The following WDR70 variants were observed in gnomAD, a reference collection of about 807,000 sequenced individuals.
WDR70 encodes the protein WD repeat domain 70, also known as WD repeat-containing protein 70.
WDR70 carries 53 observed loss-of-function variants against 88.6 expected under a neutral mutation model. The ratio of observed to expected loss-of-function variants is 0.60; its 90% confidence interval spans 0.48 to 0.75. The LOEUF (loss-of-function observed/expected upper bound fraction) is 0.75, where lower values mean the gene tolerates loss of function less well. WDR70 is among the 30% of genes least tolerant of loss of function. The probability of loss-of-function intolerance (pLI) is 0.00; values close to 1 mark genes in which losing one functional copy is unlikely to be tolerated. For synonymous variants in WDR70, 280 were observed against 270.0 expected (o/e 1.04, Z -0.36); for missense variants, 610 against 823.2 (o/e 0.74, Z 3.17).
At chr5:37,635,377 G>A (rs2112531747) in intron 10 of WDR70, among the ~76,000 whole-genome samples, 1 of 152,246 alleles carries the variant, frequency 6.6e-6, no homozygotes, top group Non-Finnish European at 1.5e-5. Context: ...AGCTGTTTAA[G>A]GTAAAGTGCT....
chr5:37,727,845 G>A (rs903574032), intron 17 of WDR70, among the ~76,000 whole-genome samples: 1 of 151,866 alleles, frequency 6.6e-6, no homozygotes, highest in South Asian at 2.1e-4. Context: ...CAAAGTGCTC[G>A]GATTACAGGC....
chr5:37,519,685 G>A (rs1278547770), intron 9 of WDR70, among the ~76,000 whole-genome samples: 1 of 148,804 alleles, frequency 6.7e-6, no homozygotes, highest in African/African-American at 2.5e-5. Context: ...CCCAGACGAT[G>A]GGCGGCCGGG....
Position 37,724,995 on chromosome 5 carries a change from G to C in WDR70, c.1659G>C (p.Lys553Asn). ...RQRSTRKQLE[K>N]DRLDPLKSHK... ...GGAGTACAAGGAAACAGCTGGAGAA[G>C]GACAGACTGGATCCCCTGAAGTCGC... Residue 553 changes from lysine to asparagine, a missense_variant, in exon 16 of 18, where the codon AAG becomes AAC. Lys to Asn is a moderately conservative substitution (Grantham distance 94). Transcript: ENST00000265107. 6.2e-7 allele frequency: 1 copy of C among 1,613,670 alleles called. No individual in the cohort carries two copies. Among genetic ancestry groups the C allele is most frequent in the Non-Finnish European group, 8.5e-7 (1 of 1,179,718 alleles).
chr5:37,471,071 A>G (rs898392880), intron 7 of WDR70, among the ~76,000 whole-genome samples: 1 of 152,002 alleles, frequency 6.6e-6, no homozygotes, highest in Admixed American at 6.6e-5. Flanking sequence ...TTTAGGTTTT[A>G]GGGTTTTGCC....
rs199633038 is a variant in WDR70, at chr5:37,407,734, GC to G, written c.492+11166del. On this transcript the variant is annotated intron_variant, in intron 5 of 17. Coordinates refer to ENST00000265107, the MANE Select transcript of WDR70 (RefSeq NM_018034.4). ...TGTAGAAACGGGGTCTTGCCATGTT[GC>G]CTAGGCTGGTTTCAAACTTCTGGCC... Among the ~76,000 whole-genome samples, 24 of 151,052 alleles carry G rather than the reference GC, an allele frequency of 1.6e-4. No homozygotes were observed. The East Asian group carries it at 4.7e-3, about 29-fold the overall frequency.
At chr5:37,397,234 A>G (rs892898403) in intron 5 of WDR70, among the ~76,000 whole-genome samples, 4 of 152,130 alleles carry the variant, frequency 2.6e-5, no homozygotes, top group African/African-American at 9.7e-5. Flanking sequence ...GGAGGAAGAA[A>G]ACAACTAAAA....
chr5:37,390,257 T>A (rs1293098937), intron 3 of WDR70, among the ~76,000 whole-genome samples: 2 of 151,234 alleles, frequency 1.3e-5, no homozygotes, highest in South Asian at 2.1e-4. Context: ...GTTTTTTTTT[T>A]AAATATAGTG....
At position 37,487,992 on chromosome 5, in the gene WDR70, G is replaced by A. The variant is rs140861895; in HGVS notation, c.840+8005G>A. Reference sequence around the variant, plus strand: ...ACATTTCTTGTAGGCCTGGCCTAGTGGTGATGAATTTCCTGCTTTTGTTTG... The same window carrying A: ...ACATTTCTTGTAGGCCTGGCCTAGTAGTGATGAATTTCCTGCTTTTGTTTG... On this transcript the variant is annotated intron_variant, in intron 8 of 17. Coordinates refer to ENST00000265107, the MANE Select transcript of WDR70 (RefSeq NM_018034.4). Among the ~76,000 whole-genome samples, 13 of 151,664 alleles carry A rather than the reference G, an allele frequency of 8.6e-5. No individual in the cohort carries two copies. In the East Asian group the frequency reaches 2.5e-3, roughly 29 times the overall value.
chr5:37,400,187 G>C (rs553692580), intron 5 of WDR70, among the ~76,000 whole-genome samples: 1 of 152,248 alleles, frequency 6.6e-6, no homozygotes, highest in Non-Finnish European at 1.5e-5. Context: ...ACCTGCCTCG[G>C]CCTCCCAAAG....
chr5:37,729,331 A>C (rs1748074962), intron 17 of WDR70, among the ~76,000 whole-genome samples: 1 of 152,188 alleles, frequency 6.6e-6, no homozygotes, highest in Non-Finnish European at 1.5e-5. Context: ...CTGCTGACAA[A>C]GCTAGGAAAT....
intron 8 of WDR70, among the ~76,000 whole-genome samples, chr5:37,484,217 C>A (rs187045699): frequency 0.16 from 24,263 of 152,014 alleles, 2,070 homozygotes; most frequent in South Asian, 0.27. Flanking sequence ...TGGGAGGTGG[C>A]GGTTGTAGCT....
chr5:37,448,890 C>G (rs1738578045), intron 7 of WDR70, among the ~76,000 whole-genome samples: 2 of 152,186 alleles, frequency 1.3e-5, no homozygotes, highest in Non-Finnish European at 2.9e-5. Flanking sequence ...GAATGTCTCT[C>G]AATTTGCTTT....
chr5:37,505,745 CT>C, intron 8 of WDR70: 4 of 1,333,232 alleles, frequency 3.0e-6, no homozygotes, highest in Non-Finnish European at 4.3e-6. Flanking sequence ...ATATAGCTCC[CT>C]ACACGTTGGA....
intron 13 of WDR70, among the ~76,000 whole-genome samples, chr5:37,703,422 G>A (rs771700251): frequency 6.6e-6 from 1 of 152,190 alleles, no homozygotes; most frequent in Non-Finnish European, 1.5e-5. Flanking sequence ...AGGATCTAGG[G>A]ATTGTCGACA....
intron 10 of WDR70, among the ~76,000 whole-genome samples, chr5:37,637,332 A>G (rs1368235990): frequency 2.5e-5 from 3 of 119,892 alleles, no homozygotes; most frequent in African/African-American, 3.7e-5. Flanking sequence ...CTCAAAAAAT[A>G]AATAAATTAA....
At chr5:37,490,084 T>A (rs1381204773) in intron 8 of WDR70, among the ~76,000 whole-genome samples, 1 of 152,070 alleles carries the variant, frequency 6.6e-6, no homozygotes, top group Non-Finnish European at 1.5e-5. Context: ...ATTCTGGGGC[T>A]GTTTGGTCTC....
chr5:37,618,848 G>C (rs1196914492), intron 10 of WDR70, among the ~76,000 whole-genome samples: 1 of 152,134 alleles, frequency 6.6e-6, no homozygotes, highest in South Asian at 2.1e-4. Flanking sequence ...TACAAGAAGA[G>C]AAAGGTGGAA....
intron 10 of WDR70, among the ~76,000 whole-genome samples, chr5:37,688,876 C>A (rs375214638): frequency 1.3e-5 from 2 of 151,910 alleles, no homozygotes; most frequent in African/African-American, 4.8e-5. Flanking sequence ...CAAAGCAGAG[C>A]GGGGCATCGC....
At chr5:37,484,855 A>G (rs35576475) in intron 8 of WDR70, among the ~76,000 whole-genome samples, 39,598 of 152,026 alleles carry the variant, frequency 0.26, 5,754 homozygotes, top group East Asian at 0.48. Context: ...TGTCACAGTG[A>G]TAGAATCACA....
Sources: allele counts gnomAD v4.1 joint callset (sites outside exome capture counted in the v4.1 genomes callset), GRCh38; gene constraint gnomAD v4.1.1; transcripts MANE v1.5; gene names NCBI Gene and HGNC (gene_info 2026-07-23, HGNC 2026-07-21).